Variants in EPB41L2 observed in about 807,000 individuals in gnomAD.
The protein encoded by EPB41L2 is erythrocyte membrane protein band 4.1 like 2, also known as band 4.1-like protein 2.
Under a neutral mutation model 113.0 loss-of-function variants are expected in EPB41L2, and 43 were observed. That is an observed-to-expected ratio of 0.38 (90% CI 0.30 to 0.49). The LOEUF (loss-of-function observed/expected upper bound fraction) is 0.49, where lower values mean the gene tolerates loss of function less well. Among genes scored for constraint, EPB41L2 ranks in the 20% least tolerant of loss-of-function variants. The pLI is 0.95. For missense variants in EPB41L2, 1,147 were observed against 1,223.4 expected, an observed-to-expected ratio of 0.94 and a Z score of 0.93; for synonymous variants, 442 against 436.7, an observed-to-expected ratio of 1.01 and a Z score of -0.15.
intron 1 of EPB41L2, among the ~76,000 whole-genome samples, chr6:130,975,343 G>A (rs1777959250): frequency 6.6e-6 from 1 of 151,870 alleles, no homozygotes; most frequent in African/African-American, 2.4e-5. Flanking sequence ...GTTAGGAGGG[G>A]AACACTTTCC....
chr6:130,869,170 T>C (rs971730613), intron 15 of EPB41L2, among the ~76,000 whole-genome samples: 52 of 152,178 alleles, frequency 3.4e-4, no homozygotes, highest in African/African-American at 9.9e-4. Flanking sequence ...CCATTTTTTT[T>C]TTCAACATTA....
At chr6:131,025,355 G>T (rs549277608) in intron 1 of EPB41L2, among the ~76,000 whole-genome samples, 1 of 152,074 alleles carries the variant, frequency 6.6e-6, no homozygotes, top group Non-Finnish European at 1.5e-5. Context: ...AGGAACTTAC[G>T]GCATGAATTG....
rs192053796 is a variant in EPB41L2, at chr6:130,871,068, T to C, written c.2044-942A>G. Among the ~76,000 whole-genome samples the C allele has an allele frequency of 5.3e-5, 8 of 152,338 alleles. No individual in the cohort carries two copies. In the East Asian group the frequency reaches 1.5e-3, roughly 29 times the overall value. On this transcript the variant is annotated intron_variant, in intron 14 of 19. Transcript: ENST00000337057. ...GTTTATTATTTGACATGTTCACTCC[T>C]ATCCCCTTCAGACATCTACTTCTTG...
chr6:131,020,764 C>T (rs563214321), intron 1 of EPB41L2, among the ~76,000 whole-genome samples: 43 of 152,258 alleles, frequency 2.8e-4, no homozygotes, highest in Admixed American at 1.0e-3. Context: ...CTCTTCAGCA[C>T]TCATTGTGCC....
chr6:130,855,880 G>T (rs1202525189), intron 19 of EPB41L2, among the ~76,000 whole-genome samples: 1 of 151,914 alleles, frequency 6.6e-6, no homozygotes, highest in Non-Finnish European at 1.5e-5. Flanking sequence ...GTGGTGGGGG[G>T]AGGGGGTGCA....
chr6:130,988,327 G>C (rs567102536), intron 1 of EPB41L2, among the ~76,000 whole-genome samples: 25 of 152,304 alleles, frequency 1.6e-4, no homozygotes, highest in African/African-American at 4.6e-4. Context: ...TACTGAGTTT[G>C]AAGTGATGTA....
chr6:130,992,119 T>C (rs1401277913), intron 1 of EPB41L2, among the ~76,000 whole-genome samples: 1 of 152,188 alleles, frequency 6.6e-6, no homozygotes, highest in Non-Finnish European at 1.5e-5. Context: ...ACAAAAGATA[T>C]ATTCATTGAC....
chr6:131,017,691 A>C (rs1788543618), intron 1 of EPB41L2, among the ~76,000 whole-genome samples: 1 of 152,198 alleles, frequency 6.6e-6, no homozygotes, highest in African/African-American at 2.4e-5. Context: ...GAATCTCAAG[A>C]GTTCATACCT....
intron 1 of EPB41L2, among the ~76,000 whole-genome samples, chr6:130,978,304 G>A (rs894324696): frequency 2.6e-5 from 4 of 152,210 alleles, no homozygotes; most frequent in Non-Finnish European, 5.9e-5. Flanking sequence ...TGGTGGGGAG[G>A]TACAGCCCCA....
chr6:131,001,262 G>C (rs376726472), intron 1 of EPB41L2, among the ~76,000 whole-genome samples: 3 of 152,084 alleles, frequency 2.0e-5, no homozygotes, highest in African/African-American at 7.2e-5. Flanking sequence ...TGAGGGACAG[G>C]GAGAGCTCCA....
chr6:131,024,952 C>A (rs1373311340), intron 1 of EPB41L2, among the ~76,000 whole-genome samples: 1 of 152,182 alleles, frequency 6.6e-6, no homozygotes, highest in Non-Finnish European at 1.5e-5. Flanking sequence ...GAACAGTCTT[C>A]TTCCTCTCTA....
In EPB41L2 at chr6:130,869,988, G is replaced by C; in HGVS notation, c.2182C>G (p.Pro728Ala). The C allele has an allele frequency of 6.2e-7, 1 of 1,613,592 alleles. No homozygotes were observed. The highest frequency in any genetic ancestry group is 8.5e-7 in the Non-Finnish European group (1 of 1,179,974). The change falls in exon 15 of 20, where the codon CCT (proline) becomes GCT (alanine). Residue 728 changes from proline to alanine, a missense_variant. Pro to Ala is a conservative substitution (Grantham distance 27, BLOSUM62 -1). Coordinates refer to ENST00000337057, the MANE Select transcript of EPB41L2 (RefSeq NM_001431.4). The part of the protein sequence containing the change: ...SGPGEIRKVE[P>A]VTQKDSTSLS... The stretch of plus-strand genomic sequence containing the variant: ...GAGGTGGAGTCTTTTTGTGTCACAG[G>C]CTCCACCTTACGAATCTCCCCAGGA...
chr6:130,858,126 C>T lies in EPB41L2; in HGVS notation c.*5+5G>A. 1 of 1,609,712 alleles carries T rather than the reference C, an allele frequency of 6.2e-7. No individual in the cohort carries two copies. The highest frequency in any genetic ancestry group is 8.5e-7 in the Non-Finnish European group (1 of 1,176,166). On this transcript the variant is annotated splice_donor_5th_base_variant and intron_variant, in intron 19 of 19. Coordinates refer to ENST00000337057, the MANE Select transcript of EPB41L2 (RefSeq NM_001431.4). The stretch of plus-strand genomic sequence containing the variant: ...AAAGGCCACAGACAATGAGGGCTCT[C>T]TTACCTTACTTAATCTTCCCCTTCC...
chr6:130,952,298 C>G (rs1485902383), intron 3 of EPB41L2, among the ~76,000 whole-genome samples: 1 of 151,632 alleles, frequency 6.6e-6, no homozygotes, highest in Non-Finnish European at 1.5e-5. Context: ...AATTCCGCCA[C>G]TAGGTATCTA....
chr6:130,937,581 G>A (rs1439993646), intron 3 of EPB41L2, among the ~76,000 whole-genome samples: 1 of 152,218 alleles, frequency 6.6e-6, no homozygotes, highest in Non-Finnish European at 1.5e-5. Flanking sequence ...AGCACTTTGG[G>A]AGGCCGAAGC....
At chr6:130,896,905 A>C (rs1357967946) in intron 8 of EPB41L2, among the ~76,000 whole-genome samples, 2 of 152,124 alleles carry the variant, frequency 1.3e-5, no homozygotes, top group Non-Finnish European at 2.9e-5. Context: ...TCAGGAGAGA[A>C]AGGAAAGGGA....
At chr6:130,951,481 C>T (rs899186587) in intron 3 of EPB41L2, among the ~76,000 whole-genome samples, 1 of 151,496 alleles carries the variant, frequency 6.6e-6, no homozygotes, top group Non-Finnish European at 1.5e-5. Context: ...CTCACCACCA[C>T]GCCCGGCTAA....
At chr6:130,987,680 A>G (rs542881583) in intron 1 of EPB41L2, among the ~76,000 whole-genome samples, 43 of 148,742 alleles carry the variant, frequency 2.9e-4, no homozygotes, top group Middle Eastern at 6.9e-3. Flanking sequence ...GCAACAGAGC[A>G]AGACTCTGTC....
chr6:131,011,961 T>G (rs1787102849), intron 1 of EPB41L2, among the ~76,000 whole-genome samples: 1 of 152,174 alleles, frequency 6.6e-6, no homozygotes, highest in Admixed American at 6.5e-5. Context: ...ATCCAGCACT[T>G]TGGGAGACCA....
Sources: gnomAD v4.1 joint callset for allele counts (sites outside exome capture counted in the v4.1 genomes callset) on GRCh38, gnomAD v4.1.1 for gene constraint, MANE v1.5 for transcripts, NCBI Gene and HGNC (gene_info 2026-07-23, HGNC 2026-07-21) for gene names.